The following C8orf34 variants were observed in gnomAD, a reference collection of about 807,000 sequenced individuals.
C8orf34 encodes the protein uncharacterized protein C8orf34.
Under a neutral mutation model 68.3 loss-of-function variants are expected in C8orf34, and 65 were observed. The observed-to-expected ratio is 0.95, with a 90% CI of 0.78 to 1.17. The LOEUF (loss-of-function observed/expected upper bound fraction) is 1.17, where lower values mean the gene tolerates loss of function less well. Ranked by LOEUF, C8orf34 falls within the 50% of genes most tolerant of loss-of-function variation. C8orf34 has a pLI of 0.00. For synonymous variants in C8orf34, 244 were observed against 241.2 expected (o/e 1.01, Z -0.11); for missense variants, 664 against 655.4 (o/e 1.01, Z -0.14).
chr8:68,799,832 T>C (rs1173197804), intron 12 of C8orf34, among the ~76,000 whole-genome samples: 2 of 151,986 alleles, frequency 1.3e-5, no homozygotes, highest in African/African-American at 4.8e-5. Flanking sequence ...AAACACGAGA[T>C]TGGAGAGATT....
intron 7 of C8orf34, among the ~76,000 whole-genome samples, chr8:68,629,763 G>C (rs932344513): frequency 6.6e-6 from 1 of 152,026 alleles, no homozygotes; most frequent in African/African-American, 2.4e-5. Flanking sequence ...AGGTGTGTGT[G>C]TGTATATGTG....
In C8orf34 at chr8:68,787,540, A is replaced by T. The variant is rs1823879307; in HGVS notation, c.1549+4A>T. On this transcript the variant is annotated splice_donor_region_variant and intron_variant, in intron 12 of 13. Transcript: ENST00000518698. ...GTGGAAGCAGAACAAGAGAAACGTG[A>T]GTAGACACTATTGTTTATTGACAAA... 1 of 1,592,536 alleles carries T rather than the reference A, an allele frequency of 6.3e-7. No individual in the cohort carries two copies. The highest frequency in any genetic ancestry group is 8.6e-7 in the Non-Finnish European group (1 of 1,164,426).
At chr8:68,401,540 T>C (rs767156528) in intron 1 of C8orf34, among the ~76,000 whole-genome samples, 1 of 152,098 alleles carries the variant, frequency 6.6e-6, no homozygotes, top group African/African-American at 2.4e-5. Flanking sequence ...ATTATTTGGA[T>C]GTGTGTTCCT....
Position 68,610,987 on chromosome 8 carries a change from T to C in C8orf34, c.1106-29389T>C, listed in dbSNP as rs559867965. Among the ~76,000 whole-genome samples, 3 of 151,678 alleles carry C rather than the reference T, an allele frequency of 2.0e-5. No homozygotes were observed. The South Asian group carries it at 6.3e-4, about 32-fold the overall frequency. On this transcript the variant is annotated intron_variant, in intron 7 of 13. Transcript: ENST00000518698. ...TCAAGCTATTCTCCTGCCTCAGCCTTCCAAGTAGCTGGTAATATAGGCATG... is the reference window on the plus strand; with the variant it reads ...TCAAGCTATTCTCCTGCCTCAGCCTCCCAAGTAGCTGGTAATATAGGCATG...
intron 1 of C8orf34, among the ~76,000 whole-genome samples, chr8:68,355,842 AT>A (rs1806723773): frequency 6.6e-6 from 1 of 152,158 alleles, no homozygotes; most frequent in South Asian, 2.1e-4. Context: ...ACAATCCAGA[AT>A]ATGTCCTATC....
At chr8:68,453,730 C>G (rs958770981) in intron 3 of C8orf34, among the ~76,000 whole-genome samples, 1 of 152,030 alleles carries the variant, frequency 6.6e-6, no homozygotes, top group Non-Finnish European at 1.5e-5. Flanking sequence ...GATAGTTTAA[C>G]TTCTTCCTTT....
At chr8:68,640,355 T>G in intron 7 of C8orf34, 21 bp from the exon 8 acceptor site, 1 of 1,607,572 alleles carries the variant, frequency 6.2e-7, no homozygotes. Context: ...TTTTTCTCTG[T>G]AATTGTTTGT....
chr8:68,751,074 CA>C (rs973173384), intron 10 of C8orf34, among the ~76,000 whole-genome samples: 1 of 152,058 alleles, frequency 6.6e-6, no homozygotes, highest in Admixed American at 6.6e-5. Flanking sequence ...AATAGCAAAA[CA>C]AAGCATTATT....
chr8:68,808,608 C>T (rs1824553947), intron 12 of C8orf34, among the ~76,000 whole-genome samples: 1 of 151,042 alleles, frequency 6.6e-6, no homozygotes, highest in African/African-American at 2.4e-5. Context: ...AACATTTATA[C>T]TGTATTAGTT....
intron 4 of C8orf34, among the ~76,000 whole-genome samples, 154 bp downstream of exon 4, chr8:68,468,974 A>C (rs1258525613): frequency 2.0e-5 from 3 of 152,060 alleles, no homozygotes; most frequent in African/African-American, 7.2e-5. Context: ...AAGGAACTTG[A>C]TTTTGCATAT....
At chr8:68,498,177 T>C (rs1438659902) in intron 5 of C8orf34, among the ~76,000 whole-genome samples, 3 of 152,128 alleles carry the variant, frequency 2.0e-5, no homozygotes, top group Non-Finnish European at 4.4e-5. Flanking sequence ...ACCTGCCCTA[T>C]TGTAAAATAC....
At chr8:68,382,472 T>C (rs1318945137) in intron 1 of C8orf34, among the ~76,000 whole-genome samples, 2 of 152,242 alleles carry the variant, frequency 1.3e-5, no homozygotes, top group Non-Finnish European at 2.9e-5. Context: ...AAAAGTAACG[T>C]GTACCTACTG....
At chr8:68,749,577 C>T (rs1822636844) in intron 10 of C8orf34, among the ~76,000 whole-genome samples, 1 of 152,118 alleles carries the variant, frequency 6.6e-6, no homozygotes, top group African/African-American at 2.4e-5. Flanking sequence ...CAAGATTCCT[C>T]ATGCCTATTT....
At chr8:68,379,164 C>T (rs1807929757) in intron 1 of C8orf34, among the ~76,000 whole-genome samples, 1 of 152,106 alleles carries the variant, frequency 6.6e-6, no homozygotes, top group South Asian at 2.1e-4. Context: ...TTGGACATGG[C>T]ATTTATTTGT....
intron 10 of C8orf34, among the ~76,000 whole-genome samples, chr8:68,743,115 T>C (rs1224132325): frequency 1.3e-5 from 2 of 152,152 alleles, no homozygotes; most frequent in Admixed American, 1.3e-4. Flanking sequence ...TCTCCTATTA[T>C]TAGGAGGAAT....
chr8:68,598,438 A>C (rs1563552763), intron 7 of C8orf34, among the ~76,000 whole-genome samples: 1 of 152,176 alleles, frequency 6.6e-6, no homozygotes, highest in Non-Finnish European at 1.5e-5. Flanking sequence ...TGGCAAGTCC[A>C]GTTCCTCAGA....
At chr8:68,781,472 C>A (rs539287551) in intron 11 of C8orf34, among the ~76,000 whole-genome samples, 1 of 152,206 alleles carries the variant, frequency 6.6e-6, no homozygotes, top group South Asian at 2.1e-4. Context: ...AAAGAAGTTG[C>A]TCTTGGGAAT....
intron 7 of C8orf34, among the ~76,000 whole-genome samples, chr8:68,561,441 T>G (rs1236931044): frequency 6.6e-6 from 1 of 152,182 alleles, no homozygotes. Flanking sequence ...TTTTAAAAAT[T>G]TTTAAAACTT....
intron 7 of C8orf34, among the ~76,000 whole-genome samples, chr8:68,607,505 C>G (rs867452946): frequency 1.3e-5 from 2 of 152,082 alleles, no homozygotes; most frequent in Non-Finnish European, 2.9e-5. Context: ...AGGGCCTACT[C>G]TAATGGACCT....
Sources: allele counts gnomAD v4.1 joint callset (sites outside exome capture counted in the v4.1 genomes callset), GRCh38; gene constraint gnomAD v4.1.1; transcripts MANE v1.5; gene names NCBI Gene and HGNC (gene_info 2026-07-23, HGNC 2026-07-21).